UHRF2: variants seen among roughly 807,000 people sequenced by gnomAD.
UHRF2 encodes E3 ubiquitin-protein ligase UHRF2.
In UHRF2, 23 loss-of-function variants were observed where a neutral mutation model predicts 96.8. The observed-to-expected ratio is 0.24, with a 90% CI of 0.17 to 0.34. The LOEUF is 0.34. UHRF2 is among the 10% of genes least tolerant of loss of function. The pLI is 1.00. For synonymous variants in UHRF2, 385 were observed against 332.6 expected, an observed-to-expected ratio of 1.16 and a Z score of -1.72; for missense variants, 685 against 981.5, an observed-to-expected ratio of 0.70 and a Z score of 4.04.
chr9:6,442,477 G>GTTTTGTTTTGTTTTGTTTTGT (rs113583280), intron 3 of UHRF2, among the ~76,000 whole-genome samples: 3 of 11,882 alleles, frequency 2.5e-4, no homozygotes, highest in African/African-American at 3.1e-4. Context: ...GTTTTGTTTT[G>GTTTTGTTTTGTTTTGTTTTGT]TTTGTTTTGT....
intron 2 of UHRF2, 92 bp from the exon 3 acceptor site, chr9:6,433,822 C>T (rs1388335453): frequency 3.7e-6 from 5 of 1,340,122 alleles, no homozygotes; most frequent in East Asian, 4.7e-5. Context: ...TATTGTTTAC[C>T]ATGATAACCC....
intron 4 of UHRF2, among the ~76,000 whole-genome samples, chr9:6,474,336 A>G (rs1392690009): frequency 6.6e-6 from 1 of 152,272 alleles, no homozygotes; most frequent in Non-Finnish European, 1.5e-5. Flanking sequence ...TTCAGAATGC[A>G]TTACTAGAGA....
At chr9:6,424,805 A>G (rs1820151958) in intron 2 of UHRF2, among the ~76,000 whole-genome samples, 1 of 137,322 alleles carries the variant, frequency 7.3e-6, no homozygotes, top group South Asian at 2.3e-4. Context: ...AATTACCGTG[A>G]CCATTTTGAG....
At chr9:6,499,773 A>T in intron 12 of UHRF2, 62 bp from the exon 13 acceptor site, 1 of 1,014,878 alleles carries the variant, frequency 9.9e-7, no homozygotes, top group Non-Finnish European at 1.4e-6. Context: ...ACCAGGATCT[A>T]AACCCCCCTT....
intron 9 of UHRF2, among the ~76,000 whole-genome samples, chr9:6,489,735 T>TG (rs1029314631): frequency 4.1e-5 from 6 of 147,132 alleles, no homozygotes; most frequent in African/African-American, 1.5e-4. Context: ...TTTGTTTTTT[T>TG]TTTTTTTTTT....
intron 2 of UHRF2, among the ~76,000 whole-genome samples, chr9:6,422,011 T>C (rs929309864): frequency 2.0e-5 from 3 of 152,218 alleles, no homozygotes; most frequent in Non-Finnish European, 4.4e-5. Flanking sequence ...TTCATAGATA[T>C]CTGGGCTGTT....
chr9:6,424,759 T>G (rs778985014), intron 2 of UHRF2, among the ~76,000 whole-genome samples: 10 of 149,982 alleles, frequency 6.7e-5, no homozygotes, highest in Non-Finnish European at 1.2e-4. Flanking sequence ...TGACATTGAC[T>G]GTGACAATTT....
intron 8 of UHRF2, among the ~76,000 whole-genome samples, chr9:6,484,162 C>T (rs2130918213): frequency 6.6e-6 from 1 of 151,532 alleles, no homozygotes; most frequent in Admixed American, 6.6e-5. Context: ...CTTCAGACTT[C>T]TGGGCTCAAG....
chr9:6,425,065 C>G (rs189058456), intron 2 of UHRF2, among the ~76,000 whole-genome samples: 110 of 152,294 alleles, frequency 7.2e-4, no homozygotes, highest in Non-Finnish European at 1.4e-3. Flanking sequence ...TTAAACTACT[C>G]CCACACCTCC....
rs185495094 is a variant in UHRF2, at chr9:6,474,596, C to T, written c.864-795C>T. Among the ~76,000 whole-genome samples the T allele has an allele frequency of 5.4e-3, 819 of 152,294 alleles. 3 individuals carry two copies. The highest frequency in any genetic ancestry group is 0.018 in the African/African-American group (759 of 41,562). On this transcript the variant is annotated intron_variant, in intron 4 of 15. Transcript: ENST00000276893. Reference sequence around the variant, plus strand: ...TGGCGCAGGCCTGTAATCCCAGCTACTTGGAAGGCTGAGGCAGGAGAATTG... The same window carrying T: ...TGGCGCAGGCCTGTAATCCCAGCTATTTGGAAGGCTGAGGCAGGAGAATTG...
At chr9:6,432,406 A>G (rs1820607036) in intron 2 of UHRF2, among the ~76,000 whole-genome samples, 1 of 152,128 alleles carries the variant, frequency 6.6e-6, no homozygotes, top group Non-Finnish European at 1.5e-5. Context: ...TAAGTTCCTC[A>G]CTTACCTTTG....
chr9:6,498,122 A>C lies in UHRF2; in HGVS notation c.1872A>C (p.Gly624=). The change falls in exon 12 of 16, where the codon GGA becomes GGC. Residue 624 remains glycine, a synonymous_variant. Transcript: ENST00000276893. The part of the protein sequence containing the change: ...DVEPAPWTSE[G]IERSRRLCLR... ...AACCTGCTCCTTGGACCTCTGAAGG[A>C]ATAGAACGGTCAAGGAGATTATGTC... 6.2e-7 allele frequency: 1 copy of C among 1,614,020 alleles called. No individual in the cohort carries two copies.
chr9:6,461,091 A>G (rs546535693), intron 4 of UHRF2, among the ~76,000 whole-genome samples: 13 of 152,336 alleles, frequency 8.5e-5, no homozygotes, highest in Admixed American at 3.9e-4. Flanking sequence ...AACAATATAT[A>G]AAAGCATTTT....
intron 3 of UHRF2, among the ~76,000 whole-genome samples, chr9:6,439,376 G>T (rs1283663285): frequency 6.6e-6 from 1 of 152,200 alleles, no homozygotes; most frequent in African/African-American, 2.4e-5. Flanking sequence ...GTTTCGCCAT[G>T]TTGGCCAGGT....
At chr9:6,445,726 T>G (rs1449126771) in intron 3 of UHRF2, among the ~76,000 whole-genome samples, 1 of 151,998 alleles carries the variant, frequency 6.6e-6, no homozygotes, top group Non-Finnish European at 1.5e-5. Flanking sequence ...ACTGGCTAAT[T>G]TAAAAAATTT....
intron 8 of UHRF2, among the ~76,000 whole-genome samples, chr9:6,484,088 T>TA (rs1215176167): frequency 3.3e-5 from 5 of 151,430 alleles, no homozygotes; most frequent in East Asian, 1.9e-4. Context: ...TTTTTTTTTT[T>TA]AAGAGACAGG....
intron 10 of UHRF2, chr9:6,496,314 A>G (rs1489343953): frequency 6.6e-6 from 1 of 152,208 alleles, no homozygotes; most frequent in African/African-American, 2.4e-5. Flanking sequence ...TAGGTGTCCT[A>G]GAGGAAAATG....
At chr9:6,502,349 C>T (rs77658815) in intron 14 of UHRF2, among the ~76,000 whole-genome samples, 2 of 152,174 alleles carry the variant, frequency 1.3e-5, no homozygotes, top group Non-Finnish European at 2.9e-5. Flanking sequence ...GACTGGAATT[C>T]TCTTTTCATG....
chr9:6,460,885 T>A (rs1318028418), intron 4 of UHRF2, 94 bp downstream of exon 4: 2 of 1,000,252 alleles, frequency 2.0e-6, no homozygotes, highest in Non-Finnish European at 2.8e-6. Context: ...TAAAAAAAGA[T>A]GGAGTCTATA....
Sources: allele counts gnomAD v4.1 joint callset (sites outside exome capture counted in the v4.1 genomes callset), GRCh38; gene constraint gnomAD v4.1.1; transcripts MANE v1.5; gene names NCBI Gene and HGNC (gene_info 2026-07-23, HGNC 2026-07-21).